PRKAR1A: variants seen among roughly 807,000 people sequenced by gnomAD.
The protein encoded by PRKAR1A is protein kinase cAMP-dependent type I regulatory subunit alpha, also known as cAMP-dependent protein kinase type I-alpha regulatory subunit.
Under a neutral mutation model 52.0 loss-of-function variants are expected in PRKAR1A, and 3 were observed. The ratio of observed to expected loss-of-function variants is 0.06; its 90% CI spans 0.03 to 0.15. The LOEUF (loss-of-function observed/expected upper bound fraction) is 0.15, where lower values mean the gene tolerates loss of function less well. Among genes scored for constraint, PRKAR1A ranks in the 10% least tolerant of loss-of-function variants. The probability of loss-of-function intolerance (pLI) is 1.00; values close to 1 mark genes in which losing one functional copy is unlikely to be tolerated. For synonymous variants in PRKAR1A, 188 were observed against 168.4 expected (o/e 1.12, Z -0.90); for missense variants, 240 against 477.4 (o/e 0.50, Z 4.63).
the PRKAR1A span, among the ~76,000 whole-genome samples, chr17:68,468,449 G>A: frequency 1.3e-5 from 2 of 152,136 alleles, no homozygotes; most frequent in African/African-American, 4.8e-5. Flanking sequence ...TTAATTTTAG[G>A]AACACTATCA....
At chr17:68,420,665 A>G in the PRKAR1A span, 5 of 642,998 alleles carry the variant, frequency 7.8e-6, no homozygotes, top group Admixed American at 1.5e-4. Context: ...GGCTCTGGGC[A>G]GGGAGTGTGC....
the PRKAR1A span, among the ~76,000 whole-genome samples, chr17:68,477,931 C>T: frequency 1.3e-5 from 2 of 152,076 alleles, no homozygotes; most frequent in African/African-American, 2.4e-5. Context: ...CCATGTTGGC[C>T]GAGCTGGTCG....
chr17:68,454,108 G>C, the PRKAR1A span, among the ~76,000 whole-genome samples: 1 of 152,182 alleles, frequency 6.6e-6, no homozygotes, highest in African/African-American at 2.4e-5. Flanking sequence ...TCAATGAGGA[G>C]ATAAAGACAG....
chr17:68,510,449 A>G (rs376052746), upstream of PRKAR1A, among the ~76,000 whole-genome samples: 3 of 152,350 alleles, frequency 2.0e-5, no homozygotes, highest in South Asian at 2.1e-4. Flanking sequence ...TAACTTCAAC[A>G]AAGTCCTGTT....
At position 68,530,652 on chromosome 17, in the gene PRKAR1A, AAG is replaced by A; in HGVS notation, c.*206_*207del. ...GCTCATACACAGTTAAATAAATAGA[AAG>A]AGTTCTATGGAGACTTTGCTGTTAC... On this transcript the variant is annotated 3_prime_UTR_variant, in exon 11 of 11. Coordinates refer to ENST00000589228, the MANE Select transcript of PRKAR1A (RefSeq NM_002734.5). 6.8e-7 allele frequency: 1 copy of A among 1,473,754 alleles called. No homozygotes were observed. The highest frequency in any genetic ancestry group is 1.4e-5 in the African/African-American group (1 of 71,264). The allele number at this position is 1,473,754 out of a possible 1,614,324, so 91.3% of individuals were successfully genotyped here. A position where few individuals can be genotyped will look rare whatever the true frequency, so the allele number is the denominator to read the frequency against.
intron 11 of PRKAR1A, chr17:68,542,207 C>A (rs1006096356): frequency 6.2e-6 from 10 of 1,607,702 alleles, no homozygotes; most frequent in Middle Eastern, 1.6e-4. Flanking sequence ...GTGGAGGGCT[C>A]TGGAGGCATG....
At chr17:68,425,516 C>T in the PRKAR1A span, among the ~76,000 whole-genome samples, 3 of 151,940 alleles carry the variant, frequency 2.0e-5, no homozygotes, top group Non-Finnish European at 2.9e-5. Flanking sequence ...CCACCGCACC[C>T]GGCCACTTGT....
the PRKAR1A span, among the ~76,000 whole-genome samples, chr17:68,476,645 T>C: frequency 1.8e-4 from 28 of 151,490 alleles, no homozygotes; most frequent in South Asian, 5.9e-3. Flanking sequence ...TCTCCCTCCC[T>C]CCATCCCTCC....
intron 11 of PRKAR1A, among the ~76,000 whole-genome samples, chr17:68,550,505 C>G (rs371707152): frequency 1.3e-5 from 2 of 151,002 alleles, no homozygotes; most frequent in Non-Finnish European, 2.9e-5. Flanking sequence ...CTCAGCCTCT[C>G]GAGTAGCTGG....
At chr17:68,454,910 T>C in the PRKAR1A span, among the ~76,000 whole-genome samples, 310 of 152,232 alleles carry the variant, frequency 2.0e-3, 1 homozygote, top group African/African-American at 6.9e-3. Context: ...ATGTGATGTT[T>C]TACGTGATTG....
chr17:68,448,486 T>C, the PRKAR1A span: 1 of 152,132 alleles, frequency 6.6e-6, no homozygotes, highest in Admixed American at 6.5e-5. Flanking sequence ...CAGTGTTCTT[T>C]AGAAGGTGGG....
rs281864801 is a variant in PRKAR1A at position 68,527,823 on chromosome 17, GTTATTT to G, written c.709-7_709-2del. On this transcript the variant is annotated splice_polypyrimidine_tract_variant and intron_variant, in intron 7 of 10. Coordinates refer to ENST00000589228, the MANE Select transcript of PRKAR1A (RefSeq NM_002734.5). ...TACACGTCTTGGGGATATCACTTTT[GTTATTT>G]TTATTTTTAGGGAAGCACACTGAGA... 3 of 1,594,506 alleles carry G rather than the reference GTTATTT, an allele frequency of 1.9e-6. No homozygotes were observed. The highest frequency in any genetic ancestry group is 2.2e-5 in the East Asian group (1 of 44,668).
At chr17:68,520,110 A>G (rs972451183) in intron 2 of PRKAR1A, among the ~76,000 whole-genome samples, 3 of 152,184 alleles carry the variant, frequency 2.0e-5, no homozygotes, top group Non-Finnish European at 2.9e-5. Flanking sequence ...GCAGCCCTAT[A>G]TAGGGCATGC....
the PRKAR1A span, among the ~76,000 whole-genome samples, chr17:68,467,607 A>G: frequency 6.6e-6 from 1 of 152,182 alleles, no homozygotes; most frequent in Non-Finnish European, 1.5e-5. Context: ...CCCTGTGCTC[A>G]TTCTGGGTCA....
the PRKAR1A span, among the ~76,000 whole-genome samples, chr17:68,486,502 CTTCCTTCTTTCTTTCTTTCT>C: frequency 9.3e-3 from 401 of 43,204 alleles, 1 homozygote; most frequent in East Asian, 0.035. Flanking sequence ...TCCTTCCTTC[CTTCCTTCTTTCTTTCTTTCT>C]TTCTTTCTTT....
the PRKAR1A span, among the ~76,000 whole-genome samples, chr17:68,432,977 A>G: frequency 6.6e-6 from 1 of 152,026 alleles, no homozygotes; most frequent in Non-Finnish European, 1.5e-5. Context: ...CTTTTCTTTC[A>G]CTTTTCAGAC....
the PRKAR1A span, among the ~76,000 whole-genome samples, chr17:68,476,765 C>A: frequency 6.6e-6 from 1 of 151,920 alleles, no homozygotes; most frequent in Non-Finnish European, 1.5e-5. Context: ...TGGGTTCAAG[C>A]GATTCTCCTG....
At chr17:68,418,228 G>C in the PRKAR1A span, among the ~76,000 whole-genome samples, 1 of 152,056 alleles carries the variant, frequency 6.6e-6, no homozygotes, top group Non-Finnish European at 1.5e-5. Context: ...TGTTTTCACT[G>C]GCAGCTAATC....
the PRKAR1A span, among the ~76,000 whole-genome samples, chr17:68,479,005 G>A: frequency 1.3e-5 from 2 of 152,192 alleles, no homozygotes; most frequent in African/African-American, 2.4e-5. Flanking sequence ...TGGGATTACA[G>A]GCATAAGCCA....
Sources: gnomAD v4.1 joint callset for allele counts (sites outside exome capture counted in the v4.1 genomes callset) on GRCh38, gnomAD v4.1.1 for gene constraint, MANE v1.5 for transcripts, NCBI Gene and HGNC (gene_info 2026-07-23, HGNC 2026-07-21) for gene names.